GTF2F2: variants seen among roughly 807,000 people sequenced by gnomAD.
GTF2F2 encodes ATP-dependent helicase GTF2F2.
Under a neutral mutation model 42.2 loss-of-function variants are expected in GTF2F2, and 23 were observed. The observed-to-expected ratio is 0.55, with a 90% CI of 0.39 to 0.77. The LOEUF (loss-of-function observed/expected upper bound fraction) is 0.77, where lower values mean the gene tolerates loss of function less well. Among genes scored for constraint, GTF2F2 ranks in the 30% least tolerant of loss-of-function variants. GTF2F2 has a pLI of 0.00. For missense variants in GTF2F2, 261 were observed against 287.2 expected, an observed-to-expected ratio of 0.91 and a Z score of 0.66; for synonymous variants, 105 against 100.8, an observed-to-expected ratio of 1.04 and a Z score of -0.25.
intron 3 of GTF2F2, among the ~76,000 whole-genome samples, chr13:45,150,208 G>A (rs1870416508): frequency 6.6e-6 from 1 of 152,192 alleles, no homozygotes; most frequent in South Asian, 2.1e-4. Flanking sequence ...ACATGCTTGG[G>A]AGATGAGTAA....
At chr13:45,196,055 C>T (rs1173421176) in intron 4 of GTF2F2, among the ~76,000 whole-genome samples, 1 of 152,122 alleles carries the variant, frequency 6.6e-6, no homozygotes, top group Non-Finnish European at 1.5e-5. Context: ...GGAAGAGATT[C>T]TTCTAAAATG....
chr13:45,283,167 G>C (rs1289980036), intron 7 of GTF2F2, among the ~76,000 whole-genome samples: 1 of 151,968 alleles, frequency 6.6e-6, no homozygotes, highest in Non-Finnish European at 1.5e-5. Context: ...AGTGTTTTTT[G>C]TGTTTTTTTT....
At chr13:45,159,621 C>T (rs1435014516) in intron 4 of GTF2F2, among the ~76,000 whole-genome samples, 2 of 152,146 alleles carry the variant, frequency 1.3e-5, no homozygotes, top group East Asian at 3.9e-4. Context: ...TACAGACGTG[C>T]GCCACCACGC....
chr13:45,151,821 G>A lies in GTF2F2; in HGVS notation c.294G>A (p.Glu98=). The part of the protein sequence containing the change: ...VGGQTLTVFT[E]SSSDKLSLEG... ...GACAGACATTAACAGTATTTACTGA[G>A]AGCTCATCAGGTAAGTGGGAATGGA... is the stretch of plus-strand genomic sequence containing the variant. The change falls in exon 4 of 8, where the codon GAG becomes GAA. Residue 98 remains glutamate (E), a synonymous_variant. Coordinates refer to ENST00000340473, the MANE Select transcript of GTF2F2 (RefSeq NM_004128.3). The A allele has an allele frequency of 6.7e-7, 1 of 1,492,310 alleles. No homozygotes were observed. The highest frequency in any genetic ancestry group is 9.0e-7 in the Non-Finnish European group (1 of 1,107,480). 92.4% of individuals were successfully genotyped at this position (1,492,310 alleles called of 1,614,324 possible). A position where few individuals can be genotyped will look rare whatever the true frequency, so the allele number is the denominator to read the frequency against.
chr13:45,120,609 C>G lies in GTF2F2; in HGVS notation c.-47C>G. The G allele has an allele frequency of 6.9e-7, 1 of 1,454,416 alleles. No homozygotes were observed. Among genetic ancestry groups the G allele is most frequent in the African/African-American group, 1.4e-5 (1 of 71,142 alleles). 90.1% of individuals were successfully genotyped at this position (1,454,416 alleles called of 1,614,324 possible). A position where few individuals can be genotyped will look rare whatever the true frequency, so the allele number is the denominator to read the frequency against. On this transcript the variant is annotated 5_prime_UTR_variant, in exon 1 of 8. Transcript: ENST00000340473. The stretch of plus-strand genomic sequence containing the variant: ...ACGCCCGCTCCTCAGCCCTGCGGCT[C>G]CTGGGGTCGCTGCTGCATCCCGCAC...
intron 2 of GTF2F2, among the ~76,000 whole-genome samples, chr13:45,147,626 G>A (rs1304726650): frequency 6.6e-6 from 1 of 152,158 alleles, no homozygotes; most frequent in Non-Finnish European, 1.5e-5. Context: ...CTCGTTTTAA[G>A]ATACTTCCTC....
intron 4 of GTF2F2, among the ~76,000 whole-genome samples, chr13:45,154,100 T>C (rs1870637798): frequency 6.6e-6 from 1 of 152,094 alleles, no homozygotes; most frequent in Non-Finnish European, 1.5e-5. Context: ...TTTGTGATTG[T>C]CCCTGGAGTG....
chr13:45,125,429 C>T (rs1265802209), intron 1 of GTF2F2, among the ~76,000 whole-genome samples: 8 of 152,118 alleles, frequency 5.3e-5, no homozygotes, highest in Non-Finnish European at 4.4e-5. Context: ...AAGCGATTCT[C>T]CTGCCTCAGC....
At chr13:45,191,537 T>C (rs539186661) in intron 4 of GTF2F2, among the ~76,000 whole-genome samples, 45 of 151,996 alleles carry the variant, frequency 3.0e-4, no homozygotes, top group Admixed American at 2.8e-3. Context: ...GTTTCTTGAA[T>C]GGAAAGTATT....
chr13:45,231,010 A>G (rs1874648413), intron 5 of GTF2F2, among the ~76,000 whole-genome samples: 2 of 152,136 alleles, frequency 1.3e-5, no homozygotes, highest in African/African-American at 4.8e-5. Flanking sequence ...GTTCAATTCT[A>G]GTATTAATTG....
intron 4 of GTF2F2, among the ~76,000 whole-genome samples, chr13:45,182,749 T>C (rs1872226827): frequency 6.6e-6 from 1 of 152,146 alleles, no homozygotes. Context: ...GTAGCTATTC[T>C]TCAGGTTTAA....
At chr13:45,132,065 G>A in intron 1 of GTF2F2, among the ~76,000 whole-genome samples, 1 of 152,152 alleles carries the variant, frequency 6.6e-6, no homozygotes, top group Non-Finnish European at 1.5e-5. Flanking sequence ...GACACTAATA[G>A]GATTGTGTGA....
intron 5 of GTF2F2, among the ~76,000 whole-genome samples, chr13:45,232,243 A>G (rs1404982270): frequency 6.6e-6 from 1 of 152,228 alleles, no homozygotes; most frequent in African/African-American, 2.4e-5. Flanking sequence ...GAGGGTTAGA[A>G]GTTGAGATTT....
intron 4 of GTF2F2, among the ~76,000 whole-genome samples, chr13:45,198,633 A>G (rs925447023): frequency 1.3e-5 from 2 of 152,204 alleles, no homozygotes; most frequent in Admixed American, 6.5e-5. Context: ...AGTAAAAGCT[A>G]GAGAAGCTGC....
At chr13:45,253,079 G>A (rs1331727642) in intron 6 of GTF2F2, 109 bp downstream of exon 6, 1 of 516,792 alleles carries the variant, frequency 1.9e-6, no homozygotes, top group East Asian at 3.4e-5. Context: ...TTGCCATCAG[G>A]TGCTTGAATT....
At chr13:45,280,622 G>C (rs1275129976) in intron 7 of GTF2F2, among the ~76,000 whole-genome samples, 1 of 152,090 alleles carries the variant, frequency 6.6e-6, no homozygotes, top group Admixed American at 6.5e-5. Flanking sequence ...ATTGTTACAA[G>C]GAAAAAAGAA....
At chr13:45,126,548 C>T (rs17230217) in intron 1 of GTF2F2, among the ~76,000 whole-genome samples, 27,481 of 152,174 alleles carry the variant, frequency 0.18, 2,753 homozygotes, top group Non-Finnish European at 0.22. Flanking sequence ...CTGTGCCCAG[C>T]GACAAGAACC....
chr13:45,228,670 T>TA, intron 5 of GTF2F2, among the ~76,000 whole-genome samples: 1 of 77,720 alleles, frequency 1.3e-5, no homozygotes, highest in Non-Finnish European at 2.4e-5. Context: ...AGAGTTAATC[T>TA]TTTTTTTTTT....
intron 5 of GTF2F2, among the ~76,000 whole-genome samples, chr13:45,216,878 C>T (rs1439683349): frequency 6.6e-6 from 1 of 152,008 alleles, no homozygotes; most frequent in Non-Finnish European, 1.5e-5. Context: ...GGTCTGACCT[C>T]ATCTTATTCT....
Sources: gnomAD v4.1 joint callset for allele counts (sites outside exome capture counted in the v4.1 genomes callset) on GRCh38, gnomAD v4.1.1 for gene constraint, MANE v1.5 for transcripts, NCBI Gene and HGNC (gene_info 2026-07-23, HGNC 2026-07-21) for gene names.